The following PP2D1 variants were observed in gnomAD, a reference collection of about 807,000 sequenced individuals.
PP2D1 encodes protein phosphatase 2C-like domain-containing protein 1.
Under a neutral mutation model 30.2 loss-of-function variants are expected in PP2D1, and 25 were observed. The ratio of observed to expected loss-of-function variants is 0.83; its 90% CI spans 0.60 to 1.16. PP2D1 has a LOEUF of 1.16. Ranked by LOEUF, PP2D1 falls within the 50% of genes most tolerant of loss-of-function variation. PP2D1 has a pLI of 0.00. For missense variants in PP2D1, 760 were observed against 742.4 expected, an observed-to-expected ratio of 1.02 and a Z score of -0.28; for synonymous variants, 260 against 258.9, an observed-to-expected ratio of 1.00 and a Z score of -0.04.
chr3:19,983,808 G>A (rs764684048), downstream of PP2D1: 1 of 1,603,156 alleles, frequency 6.2e-7, no homozygotes, highest in Admixed American at 1.7e-5. Flanking sequence ...CCAGGAATCA[G>A]TGTTGTAGTA....
Position 20,001,923 on chromosome 3 carries a change from C to G in PP2D1, c.197G>C (p.Cys66Ser). Residue 66 changes from cysteine (C) to serine (S), a missense_variant, in exon 2 of 3, where the codon TGT becomes TCT. Transcript: ENST00000389050. ...GTCAATTTCGTGCTTGCATATGGAA[C>G]AGGGTAATGTGGTCCCTTGCTCATA... ...QVYEQGTTLP[C>S]SICKHEIDLT... 1.3e-6 allele frequency: 2 copies of G among 1,536,402 alleles called. No homozygotes were observed. Among genetic ancestry groups the G allele is most frequent in the South Asian group, 2.4e-5 (2 of 84,062 alleles).
chr3:19,991,496 A>G (rs768001541), intron 2 of PP2D1, among the ~76,000 whole-genome samples: 3 of 152,208 alleles, frequency 2.0e-5, no homozygotes, highest in Non-Finnish European at 4.4e-5. Flanking sequence ...ATACCTATAT[A>G]CGTGATGGGT....
At chr3:20,003,342 C>T (rs1027323158) in intron 1 of PP2D1, among the ~76,000 whole-genome samples, 1 of 150,816 alleles carries the variant, frequency 6.6e-6, no homozygotes, top group Non-Finnish European at 1.5e-5. Flanking sequence ...AAGACAGTCA[C>T]AATCCCAACT....
At chr3:19,984,172 T>TGG (rs1553640308), downstream of PP2D1, 3 of 343,008 alleles carry the variant, frequency 8.7e-6, no homozygotes, top group African/African-American at 3.3e-5. Flanking sequence ...TAGTCACCTG[T>TGG]GAAAAAAAAA....
At chr3:19,988,127 A>T (rs370719944) in intron 2 of PP2D1, among the ~76,000 whole-genome samples, 1 of 152,218 alleles carries the variant, frequency 6.6e-6, no homozygotes, top group East Asian at 1.9e-4. Flanking sequence ...GGACACCTTG[A>T]AAAAAGAGCA....
intron 1 of PP2D1, among the ~76,000 whole-genome samples, chr3:20,006,245 A>G (rs1354752872): frequency 1.3e-5 from 2 of 152,198 alleles, no homozygotes; most frequent in Admixed American, 1.3e-4. Flanking sequence ...GACACTGTTC[A>G]AAAACAAAAA....
intron 2 of PP2D1, among the ~76,000 whole-genome samples, chr3:19,995,326 CAGAGT>C (rs1697167840): frequency 6.6e-6 from 1 of 152,070 alleles, no homozygotes; most frequent in African/African-American, 2.4e-5. Context: ...AAGAGATACA[CAGAGT>C]AGAGACACAT....
chr3:19,988,424 G>A (rs937470821), intron 2 of PP2D1, among the ~76,000 whole-genome samples: 5 of 152,036 alleles, frequency 3.3e-5, no homozygotes, highest in East Asian at 1.9e-4. Context: ...GGAAATTCCC[G>A]CCTAGTAAAT....
chr3:19,993,226 T>C (rs1697139047), intron 2 of PP2D1, among the ~76,000 whole-genome samples: 1 of 152,028 alleles, frequency 6.6e-6, no homozygotes, highest in Non-Finnish European at 1.5e-5. Flanking sequence ...GACATAAAGA[T>C]ATTGGAATAA....
At chr3:19,986,800 C>CGAGGTGGGCGGATCACCT (rs1697043620) in intron 2 of PP2D1, among the ~76,000 whole-genome samples, 1 of 151,938 alleles carries the variant, frequency 6.6e-6, no homozygotes, top group East Asian at 1.9e-4. Context: ...TTTGGGAGGC[C>CGAGGTGGGCGGATCACCT]GAGGTGGGCG....
intron 2 of PP2D1, among the ~76,000 whole-genome samples, chr3:19,999,613 T>G (rs1697228166): frequency 6.6e-6 from 1 of 151,074 alleles, no homozygotes; most frequent in African/African-American, 2.4e-5. Flanking sequence ...GGTCTCAAAC[T>G]CCTGACCTGA....
chr3:19,990,607 A>G (rs559297227), intron 2 of PP2D1, among the ~76,000 whole-genome samples: 46 of 152,362 alleles, frequency 3.0e-4, no homozygotes, highest in African/African-American at 1.1e-3. Flanking sequence ...CTAGATGTGC[A>G]GAGTCAATAG....
chr3:19,988,280 G>T (rs897886788), intron 2 of PP2D1, among the ~76,000 whole-genome samples: 2 of 152,170 alleles, frequency 1.3e-5, no homozygotes, highest in East Asian at 1.9e-4. Flanking sequence ...GCAAGGAACA[G>T]CCCTGAGAAA....
At position 19,985,604 on chromosome 3, in the gene PP2D1, T is replaced by C. The variant is rs1461248392; in HGVS notation, c.1669A>G (p.Thr557Ala). 2.6e-6 allele frequency: 4 copies of C among 1,536,020 alleles called. No homozygotes were observed. Among genetic ancestry groups the C allele is most frequent in the Non-Finnish European group, 3.5e-6 (4 of 1,146,790 alleles). Residue 557 changes from threonine (T) to alanine (A), a missense_variant, in exon 3 of 3, where the codon ACG (threonine) becomes GCG (alanine). Physicochemically the swap from Thr to Ala is moderately conservative, Grantham distance 58. Transcript: ENST00000389050. ...TCACTGCAAGGTTTACGATGAGTCG[T>C]TTCTGCTGGAAATGTTTCTACATTC... is the stretch of plus-strand genomic sequence containing the variant. ...PENVETFPAE[T>A]THRKPCSEKV...
At position 20,001,811 on chromosome 3, in the gene PP2D1, G is replaced by C; in HGVS notation, c.309C>G (p.Pro103=). The C allele has an allele frequency of 6.5e-7, 1 of 1,535,162 alleles. No homozygotes were observed. The highest frequency in any genetic ancestry group is 1.2e-5 in the South Asian group (1 of 83,940). Residue 103 remains proline (P), a synonymous_variant, in exon 2 of 3, where the codon CCC becomes CCG. Coordinates refer to ENST00000389050, the MANE Select transcript of PP2D1 (RefSeq NM_001252657.2). ...FQWMGRKKPQ[P]SVIAVQRQFM... is the part of the protein sequence containing the mutation. ...ACTGTCTCTGAACAGCAATCACTGA[G>C]GGCTGTGGTTTCTTTCTACCCATCC...
chr3:19,980,517 T>G (rs1696904649), downstream of PP2D1, among the ~76,000 whole-genome samples: 1 of 151,804 alleles, frequency 6.6e-6, no homozygotes, highest in South Asian at 2.1e-4. Context: ...CACAGTGCAC[T>G]CATAACAACT....
At chr3:19,991,688 T>C (rs932861020) in intron 2 of PP2D1, among the ~76,000 whole-genome samples, 1 of 152,124 alleles carries the variant, frequency 6.6e-6, no homozygotes, top group African/African-American at 2.4e-5. Flanking sequence ...AAGTAACAGG[T>C]TTTCACCTGC....
intron 1 of PP2D1, among the ~76,000 whole-genome samples, chr3:20,004,461 C>T (rs10222385): frequency 0.16 from 24,259 of 152,118 alleles, 2,114 homozygotes; most frequent in Non-Finnish European, 0.21. Context: ...CCTTAAAACA[C>T]TTGTGTTCTA....
chr3:20,012,098 C>CCCT lies in PP2D1; in HGVS notation c.-29_-27dup, dbSNP rs1258927994. 26 of 1,525,564 alleles carry CCCT rather than the reference C, an allele frequency of 1.7e-5. No individual in the cohort carries two copies. Among genetic ancestry groups the CCCT allele is most frequent in the Non-Finnish European group, 2.2e-5 (25 of 1,139,336 alleles). The allele number at this position is 1,525,564 out of a possible 1,614,324, so 94.5% of individuals were successfully genotyped here. On this transcript the variant is annotated 5_prime_UTR_variant, in exon 1 of 3. Coordinates refer to ENST00000389050, the MANE Select transcript of PP2D1 (RefSeq NM_001252657.2). ...GTTCCTTTGGAATTACCTTTCTTTG[C>CCCT]CCTCCCTTTATCCCCTTCCCCTGGC...
Sources: gnomAD v4.1 joint callset for allele counts (sites outside exome capture counted in the v4.1 genomes callset) on GRCh38, gnomAD v4.1.1 for gene constraint, MANE v1.5 for transcripts, NCBI Gene and HGNC (gene_info 2026-07-23, HGNC 2026-07-21) for gene names.